The following NHSL2 variants were observed in gnomAD, a reference collection of about 807,000 sequenced individuals.
The protein encoded by NHSL2 is NHS like 2, also known as NHS-like protein 2.
A neutral mutation model predicts 53.4 loss-of-function variants in NHSL2; 27 were observed. The ratio of observed to expected loss-of-function variants is 0.51; its 90% confidence interval spans 0.37 to 0.70. The LOEUF (loss-of-function observed/expected upper bound fraction) is 0.70. Ranked by LOEUF, NHSL2 falls within the 30% of genes least tolerant of loss-of-function variation. NHSL2 has a pLI of 0.00. For synonymous variants in NHSL2, 408 were observed against 404.1 expected, an observed-to-expected ratio of 1.01 and a Z score of -0.12; for missense variants, 892 against 980.1, an observed-to-expected ratio of 0.91 and a Z score of 1.20.
At chrX:72,049,009 A>AGAAGAAGAGGAAGAG (rs1556340802) in intron 1 of NHSL2, among the ~76,000 whole-genome samples, 160 of 86,160 alleles carry the variant, frequency 1.9e-3, no homozygotes, top group African/African-American at 3.3e-3. Context: ...AAGAAGAAGA[A>AGAAGAAGAGGAAGAG]GAAGAGGAAG....
intron 1 of NHSL2, among the ~76,000 whole-genome samples, chrX:71,980,573 T>TGTGGG (rs1313374393): frequency 1.5e-3 from 3 of 1,953 alleles, no homozygotes; most frequent in African/African-American, 2.9e-3. Flanking sequence ...GTGTGGGGTG[T>TGTGGG]GTGTGTGTGT....
chrX:72,044,450 C>T (rs1366958739), intron 1 of NHSL2: 7 of 450,175 alleles, frequency 1.6e-5, no homozygotes, highest in Non-Finnish European at 2.3e-5. Context: ...CAGGTGGCCC[C>T]CATTCCTCTA....
At chrX:72,006,875 C>A (rs1004853707) in intron 1 of NHSL2, among the ~76,000 whole-genome samples, 1 of 112,586 alleles carries the variant, frequency 8.9e-6, no homozygotes, top group Non-Finnish European at 1.9e-5. Context: ...CATGGGACTG[C>A]AAGTCTCTCC....
At chrX:72,042,924 C>G (rs914936725) in intron 1 of NHSL2, among the ~76,000 whole-genome samples, 2 of 111,090 alleles carry the variant, frequency 1.8e-5, no homozygotes, top group Non-Finnish European at 3.8e-5. Context: ...TTAAGGTTCT[C>G]CCACACCCAA....
rs762227919 is a variant in NHSL2, at chrX:72,134,529, C to T, written c.585C>T (p.Ser195=). 1.0e-5 allele frequency: 12 copies of T among 1,165,244 alleles called. No individual in the cohort carries two copies. Among genetic ancestry groups the T allele is most frequent in the Middle Eastern group, 2.3e-4 (1 of 4,320 alleles). ...AACAGCCTACAAAACGGCAGCTGAG[C>T]GAGGATGAGACTACCACCCAGGGTG... The part of the protein sequence containing the change: ...FILMPTKRQL[S]EDETTTQGVR... Residue 195 remains serine, a synonymous_variant, in exon 4 of 8, where the codon AGC becomes AGT. Coordinates refer to ENST00000633930, the MANE Select transcript of NHSL2 (RefSeq NM_001013627.3).
chrX:71,920,472 T>TA (rs964522656), intron 1 of NHSL2, among the ~76,000 whole-genome samples: 96 of 102,630 alleles, frequency 9.4e-4, no homozygotes, highest in South Asian at 9.2e-3. Flanking sequence ...CCCTAAATGT[T>TA]AAAAAAAAAA....
At chrX:71,975,662 T>C (rs973535425) in intron 1 of NHSL2, among the ~76,000 whole-genome samples, 3 of 110,978 alleles carry the variant, frequency 2.7e-5, no homozygotes, top group Non-Finnish European at 5.7e-5. Context: ...GTACTTTTTT[T>C]CTCTCCCAAA....
rs969114196 is a variant in NHSL2 at position 72,034,824 on chromosome X, A to T, written c.281-97255A>T. On this transcript the variant is annotated intron_variant, in intron 1 of 7. Coordinates refer to ENST00000633930, the MANE Select transcript of NHSL2 (RefSeq NM_001013627.3). Reference sequence around the variant, plus strand: ...CTCTCTTTTTATCTTTGTTATTCTTACTAGACATTTATCAATTTTATCAAT... The same window carrying T: ...CTCTCTTTTTATCTTTGTTATTCTTTCTAGACATTTATCAATTTTATCAAT... Among the ~76,000 whole-genome samples the T allele has an allele frequency of 8.9e-5, 10 of 111,787 alleles. No individual in the cohort carries two copies. The East Asian group carries it at 2.8e-3, about 31-fold the overall frequency.
chrX:71,994,298 C>CTGTGTGTGTGTGTGTGTGTGTGTGTG (rs10673341), intron 1 of NHSL2, among the ~76,000 whole-genome samples: 65 of 90,076 alleles, frequency 7.2e-4, no homozygotes, highest in African/African-American at 2.6e-3. Flanking sequence ...GAGGCTCCCT[C>CTGTGTGTGTGTGTGTGTGTGTGTGTG]TGTGTGTGTG....
intron 1 of NHSL2, among the ~76,000 whole-genome samples, chrX:72,044,091 C>T (rs1016580919): frequency 2.7e-5 from 3 of 111,656 alleles, no homozygotes; most frequent in African/African-American, 9.8e-5. Flanking sequence ...GCTGTGGTCA[C>T]GGGAGAGAAG....
chrX:72,069,039 A>G (rs1043114002), intron 1 of NHSL2, among the ~76,000 whole-genome samples: 6 of 112,642 alleles, frequency 5.3e-5, no homozygotes, highest in African/African-American at 1.9e-4. Context: ...TCCATCCCCC[A>G]GTGGAGCAGG....
At chrX:71,968,866 T>G (rs2041912605) in intron 1 of NHSL2, among the ~76,000 whole-genome samples, 1 of 112,513 alleles carries the variant, frequency 8.9e-6, no homozygotes, top group Non-Finnish European at 1.9e-5. Flanking sequence ...CATCTCTTGC[T>G]TATTCAGTTG....
intron 1 of NHSL2, among the ~76,000 whole-genome samples, chrX:72,061,665 G>T (rs1324391767): frequency 8.9e-6 from 1 of 111,743 alleles, no homozygotes; most frequent in Non-Finnish European, 1.9e-5. Context: ...TGCTTAAAAT[G>T]CTCTAATGGT....
chrX:71,937,810 C>T (rs1319958075), intron 1 of NHSL2, among the ~76,000 whole-genome samples: 1 of 111,941 alleles, frequency 8.9e-6, no homozygotes, highest in African/African-American at 3.3e-5. Flanking sequence ...AAGGTTTATT[C>T]TTTGCCTTTG....
At chrX:71,992,601 T>G (rs1348683816) in intron 1 of NHSL2, among the ~76,000 whole-genome samples, 7 of 112,742 alleles carry the variant, frequency 6.2e-5, no homozygotes. Flanking sequence ...AAAGAAACTT[T>G]ATGGAACACA....
chrX:71,991,054 G>T (rs1381593737), intron 1 of NHSL2, among the ~76,000 whole-genome samples: 1 of 112,740 alleles, frequency 8.9e-6, no homozygotes, highest in Non-Finnish European at 1.9e-5. Flanking sequence ...AAATAGTTGT[G>T]CAGGGTCCTC....
chrX:71,919,191 G>A (rs1273577452), intron 1 of NHSL2, among the ~76,000 whole-genome samples: 1 of 112,043 alleles, frequency 8.9e-6, no homozygotes, highest in Non-Finnish European at 1.9e-5. Flanking sequence ...GACAATGGAT[G>A]ACATGTTAAG....
At chrX:72,014,277 A>G (rs927753316) in intron 1 of NHSL2, among the ~76,000 whole-genome samples, 1 of 111,310 alleles carries the variant, frequency 9.0e-6, no homozygotes, top group Non-Finnish European at 1.9e-5. Context: ...TCTATTTTCA[A>G]TTCTGCTTAT....
intron 1 of NHSL2, among the ~76,000 whole-genome samples, chrX:71,959,932 G>T (rs1046100501): frequency 9.0e-6 from 1 of 111,596 alleles, no homozygotes; most frequent in African/African-American, 3.3e-5. Flanking sequence ...GAATTTCTGG[G>T]TCATATGCTA....
Sources: gnomAD v4.1 joint callset for allele counts (sites outside exome capture counted in the v4.1 genomes callset) on GRCh38, gnomAD v4.1.1 for gene constraint, MANE v1.5 for transcripts, NCBI Gene and HGNC (gene_info 2026-07-23, HGNC 2026-07-21) for gene names.